CROCC: variants seen among roughly 807,000 people sequenced by gnomAD.
CROCC encodes ciliary rootlet coiled-coil, rootletin, also known as rootletin.
In CROCC, 180 loss-of-function variants were observed where a neutral mutation model predicts 245.2. That is an observed-to-expected ratio of 0.73 (90% CI 0.65 to 0.83). CROCC has a LOEUF of 0.83. CROCC is among the 40% of genes least tolerant of loss of function. The pLI, the probability that CROCC is intolerant of heterozygous loss-of-function variation, is 0.00. For missense variants in CROCC, 2,688 were observed against 2,779.4 expected (o/e 0.97, Z 0.74); for synonymous variants, 1,205 against 1,241.6 (o/e 0.97, Z 0.62).
At position 16,940,033 on chromosome 1, in the gene CROCC, C is replaced by T; in HGVS notation, c.1748C>T (p.Ala583Val). The T allele has an allele frequency of 6.2e-7, 1 of 1,610,978 alleles. No homozygotes were observed. Among genetic ancestry groups the T allele is most frequent in the African/African-American group, 1.3e-5 (1 of 75,016 alleles). ...GACAAGACCGACGGCGCCATGCAGG[C>T]CCACGAGGACGCCCAGCGCGAGGTG... ...LRDKTDGAMQ[A>V]HEDAQREVQR... The change falls in exon 13 of 37, where the codon GCC becomes GTC. Residue 583 changes from alanine (A) to valine (V), a missense_variant. This residue lies in a region of CROCC where 972 missense variants were observed against 895.3 expected (regional missense o/e 1.09). Transcript: ENST00000375541.
At position 16,972,505 on chromosome 1, in the gene CROCC, T is replaced by G; in HGVS notation, c.*59T>G. The G allele has an allele frequency of 1.7e-6, 2 of 1,205,926 alleles. No individual in the cohort carries two copies. The highest frequency in any genetic ancestry group is 2.7e-5 in the Admixed American group (1 of 37,228). The allele number at this position is 1,205,926 out of a possible 1,614,324, so 74.7% of individuals were successfully genotyped here. On this transcript the variant is annotated 3_prime_UTR_variant, in exon 37 of 37. Coordinates refer to ENST00000375541, the MANE Select transcript of CROCC (RefSeq NM_014675.5). ...CTGGGACAGGGGAGGACCCTTCTTT[T>G]GGACAGCCCCCCCACCCAGAGCCCG...
upstream of CROCC, among the ~76,000 whole-genome samples, chr1:16,920,012 C>T (rs1223275143): frequency 6.6e-5 from 10 of 152,252 alleles, no homozygotes; most frequent in African/African-American, 2.2e-4. Context: ...CTGCCTCAGC[C>T]TCCTGAGTAG....
chr1:16,967,091 G>A (rs908302751), intron 30 of CROCC, among the ~76,000 whole-genome samples: 1 of 152,020 alleles, frequency 6.6e-6, no homozygotes, highest in African/African-American at 2.4e-5. Context: ...AGAAAAGAAA[G>A]AGAGCTTGGG....
At position 16,938,894 on chromosome 1, in the gene CROCC, C is replaced by G. The variant is rs753518527; in HGVS notation, c.1375-15C>G. 6.2e-7 allele frequency: 1 copy of G among 1,604,236 alleles called. No homozygotes were observed. Among genetic ancestry groups the G allele is most frequent in the African/African-American group, 1.3e-5 (1 of 74,424 alleles). Reference sequence around the variant, plus strand: ...AACTCAGCAGCCTCCTTCTGCCTCCCTCCCCCACCCTCAGGCCGTCTTGTC... The same window carrying G: ...AACTCAGCAGCCTCCTTCTGCCTCCGTCCCCCACCCTCAGGCCGTCTTGTC... On this transcript the variant is annotated splice_polypyrimidine_tract_variant and intron_variant, in intron 11 of 36. Coordinates refer to ENST00000375541, the MANE Select transcript of CROCC (RefSeq NM_014675.5).
At chr1:16,944,808 T>TG (rs2076010139) in intron 14 of CROCC, among the ~76,000 whole-genome samples, 2 of 152,286 alleles carry the variant, frequency 1.3e-5, no homozygotes, top group African/African-American at 4.8e-5. Flanking sequence ...TCTTCACCAC[T>TG]GCGCTGCTTA....
At chr1:16,926,454 G>C (rs2075536792) in intron 3 of CROCC, among the ~76,000 whole-genome samples, 1 of 152,260 alleles carries the variant, frequency 6.6e-6, no homozygotes, top group Non-Finnish European at 1.5e-5. Context: ...GGCAGTGCCT[G>C]CCCCTGTGGC....
chr1:16,939,709 G>A (rs183924385), intron 12 of CROCC, among the ~76,000 whole-genome samples, 185 bp from the exon 13 acceptor site: 241 of 152,252 alleles, frequency 1.6e-3, no homozygotes, highest in African/African-American at 5.6e-3. Flanking sequence ...AGAGGGTGGC[G>A]AGGGCACATA....
In CROCC at chr1:16,972,513, C is replaced by G. The variant is rs547287592; in HGVS notation, c.*67C>G. On this transcript the variant is annotated 3_prime_UTR_variant, in exon 37 of 37. Transcript: ENST00000375541. Reference sequence around the variant, plus strand: ...GGGGAGGACCCTTCTTTTGGACAGCCCCCCCACCCAGAGCCCGGTCCCTTG... The same window carrying G: ...GGGGAGGACCCTTCTTTTGGACAGCGCCCCCACCCAGAGCCCGGTCCCTTG... 37 of 1,040,308 alleles carry G rather than the reference C, an allele frequency of 3.6e-5. No homozygotes were observed. The highest frequency in any genetic ancestry group is 1.5e-4 in the African/African-American group (9 of 58,154). 64.4% of individuals were successfully genotyped at this position (1,040,308 alleles called of 1,614,324 possible). A position where few individuals can be genotyped will look rare whatever the true frequency, so the allele number is the denominator to read the frequency against.
chr1:16,956,775 A>T (rs1230474582), intron 25 of CROCC, among the ~76,000 whole-genome samples: 1 of 151,968 alleles, frequency 6.6e-6, no homozygotes, highest in African/African-American at 2.4e-5. Flanking sequence ...GAAACGGGAG[A>T]TGGGCTGAAT....
chr1:16,921,809 T>C (rs2075411057), upstream of CROCC: 3 of 574,672 alleles, frequency 5.2e-6, no homozygotes, highest in South Asian at 6.8e-5. Flanking sequence ...TCCCTGCCTC[T>C]GCTTCCCTCC....
In CROCC at chr1:16,961,047, G is replaced by A. The variant is rs1158868343; in HGVS notation, c.4322G>A (p.Arg1441His). 1.1e-5 allele frequency: 14 copies of A among 1,332,940 alleles called. No homozygotes were observed. Among genetic ancestry groups the A allele is most frequent in the Middle Eastern group, 2.8e-4 (1 of 3,512 alleles). The allele number at this position is 1,332,940 out of a possible 1,614,324, so 82.6% of individuals were successfully genotyped here. ...CTGGGTGGCCTGCGCTCGGCTCTGC[G>A]CCGGGGCCTCGGCCTCGGTCGCGCG... Reference protein sequence around the residue: ...AQLGGLRSALRRGLGLGRAPS... With the variant: ...AQLGGLRSALHRGLGLGRAPS... The change falls in exon 27 of 37, where the codon CGC becomes CAC. Residue 1441 changes from arginine to histidine, a missense_variant. Around this residue, in one of 9 missense-constraint regions of CROCC, gnomAD observed 1,218 missense variants for 1,286.3 expected, o/e 0.95. Transcript: ENST00000375541.
At position 16,939,948 on chromosome 1, in the gene CROCC, C is replaced by G. The variant is rs141062841; in HGVS notation, c.1663C>G (p.Gln555Glu). 6.2e-7 allele frequency: 1 copy of G among 1,612,840 alleles called. No homozygotes were observed. Among genetic ancestry groups the G allele is most frequent in the Non-Finnish European group, 8.5e-7 (1 of 1,179,814 alleles). ...GGACCTACTGGGCACCCTGCGGAAG[C>G]AGCTTAGCGACAGCGAGAGCGAGCG... is the stretch of plus-strand genomic sequence containing the variant. The part of the protein sequence containing the change: ...SQDLLGTLRK[Q>E]LSDSESERRA... Residue 555 changes from glutamine to glutamate, a missense_variant, in exon 13 of 37, where the codon CAG (glutamine) becomes GAG (glutamate). Gln to Glu is a conservative substitution (Grantham distance 29). Transcript: ENST00000375541.
rs2076218595 is a variant in CROCC, at chr1:16,954,661, A to G, written c.3322-73A>G. ...GTTTAGAGCTAAAAGTGGACAGTGC[A>G]CTGAGCGGGTTGGGAGCAGCCCGGG... On this transcript the variant is annotated intron_variant, in intron 22 of 36. Coordinates refer to ENST00000375541, the MANE Select transcript of CROCC (RefSeq NM_014675.5). This position sits in a 1 kb window ranked among gnomAD's most constrained non-coding sequence, Gnocchi z 4.4. 5.4e-6 allele frequency: 8 copies of G among 1,477,594 alleles called. No individual in the cohort carries two copies. Among genetic ancestry groups the G allele is most frequent in the African/African-American group, 1.4e-5 (1 of 71,060 alleles). The allele number at this position is 1,477,594 out of a possible 1,614,324, so 91.5% of individuals were successfully genotyped here.
intron 1 of CROCC, among the ~76,000 whole-genome samples, chr1:16,915,510 C>T (rs1271456384): frequency 2.0e-5 from 3 of 152,164 alleles, no homozygotes; most frequent in Admixed American, 1.3e-4. Flanking sequence ...CGTGGTGGCA[C>T]GCACCTGTGG....
chr1:16,938,942 C>A lies in CROCC; in HGVS notation c.1408C>A (p.Leu470Met). The change falls in exon 12 of 37, where the codon CTG (leucine) becomes ATG (methionine). Residue 470 changes from leucine to methionine, a missense_variant. By Grantham distance (15) the Leu-to-Met change is conservative. Coordinates refer to ENST00000375541, the MANE Select transcript of CROCC (RefSeq NM_014675.5). ...VLSDSESGVQ[L>M]SGSERTADAS... ...GTCAGACTCTGAGAGCGGCGTCCAGCTGAGCGGCTCTGAGCGCACCGCGGA... is the reference window on the plus strand; with the variant it reads ...GTCAGACTCTGAGAGCGGCGTCCAGATGAGCGGCTCTGAGCGCACCGCGGA... The A allele has an allele frequency of 6.2e-7, 1 of 1,600,182 alleles. No homozygotes were observed. The highest frequency in any genetic ancestry group is 8.5e-7 in the Non-Finnish European group (1 of 1,176,372).
In CROCC at chr1:16,930,482, C is replaced by T. The variant is rs1442130423; in HGVS notation, c.737C>T (p.Ala246Val). 6.2e-7 allele frequency: 1 copy of T among 1,612,460 alleles called. No individual in the cohort carries two copies. The highest frequency in any genetic ancestry group is 2.2e-5 in the East Asian group (1 of 44,890). The change falls in exon 7 of 37, where the codon GCA becomes GTA. Residue 246 changes from alanine to valine, a missense_variant. This residue lies in a region of CROCC where 972 missense variants were observed against 895.3 expected (regional missense o/e 1.09). Coordinates refer to ENST00000375541, the MANE Select transcript of CROCC (RefSeq NM_014675.5). ...NAMLREQLDQAGSANQALSED... is the reference protein window; with the variant it reads ...NAMLREQLDQVGSANQALSED... ...ATGCTCCGAGAACAGCTGGACCAGG[C>T]AGGCTCGGCCAACCAGGCTCTGAGT...
Position 16,936,686 on chromosome 1 carries a change from C to G in CROCC, c.1006C>G (p.Gln336Glu), listed in dbSNP as rs752006947. The change falls in exon 9 of 37, where the codon CAG becomes GAG. Residue 336 changes from glutamine (Q) to glutamate (E), a missense_variant. Transcript: ENST00000375541. ...GCTGGCCCGGACATCACGAGCTGTC[C>G]AGGAGGCGGGCCTGGGACTGAGCAC... ...GELARTSRAVQEAGLGLSTGL... is the reference protein window; with the variant it reads ...GELARTSRAVEEAGLGLSTGL... The G allele has an allele frequency of 6.2e-7, 1 of 1,602,414 alleles. No homozygotes were observed. The highest frequency in any genetic ancestry group is 8.5e-7 in the Non-Finnish European group (1 of 1,175,190).
At chr1:16,924,683 T>C (rs1333131795) in intron 3 of CROCC, among the ~76,000 whole-genome samples, 1 of 152,280 alleles carries the variant, frequency 6.6e-6, no homozygotes, top group Non-Finnish European at 1.5e-5. Context: ...GGGATTGTAA[T>C]GGGACGTGGA....
In CROCC at chr1:16,948,492, C is replaced by G; in HGVS notation, c.2676C>G (p.Gly892=). 4 of 1,551,342 alleles carry G rather than the reference C, an allele frequency of 2.6e-6. No individual in the cohort carries two copies. The highest frequency in any genetic ancestry group is 3.5e-6 in the Non-Finnish European group (4 of 1,149,324). ...AVQLVAAERE[G]RTLSEEATRL... ...AGCTGGTGGCTGCGGAGCGTGAAGG[C>G]AGGACCCTGTCAGAGGAGGCCACAC... is the stretch of plus-strand genomic sequence containing the variant. Residue 892 remains glycine, a synonymous_variant, in exon 18 of 37, where the codon GGC becomes GGG. Coordinates refer to ENST00000375541, the MANE Select transcript of CROCC (RefSeq NM_014675.5).
Sources: gnomAD v4.1 joint callset for allele counts (sites outside exome capture counted in the v4.1 genomes callset) on GRCh38, gnomAD v4.1.1 for gene constraint, gnomAD v4.1.1 regional missense constraint, Gnocchi (gnomAD v3.1) non-coding constraint, MANE v1.5 for transcripts, NCBI Gene and HGNC (gene_info 2026-07-23, HGNC 2026-07-21) for gene names.